Variants in TMEM207 observed in about 807,000 individuals in gnomAD.
TMEM207 encodes the protein SRSR846.
A neutral mutation model predicts 17.4 loss-of-function variants in TMEM207; 15 were observed. That is an observed-to-expected ratio of 0.86 (90% confidence interval 0.58 to 1.33). TMEM207 has a LOEUF of 1.33. Among genes scored for constraint, TMEM207 ranks in the 40% most tolerant of loss-of-function variants. The pLI, the probability that TMEM207 is intolerant of heterozygous loss-of-function variation, is 0.00. For missense variants in TMEM207, 205 were observed against 173.8 expected (o/e 1.18, Z -1.01); for synonymous variants, 70 against 65.6 (o/e 1.07, Z -0.33).
At chr3:190,437,138 A>C (rs1412962919) in intron 4 of TMEM207, among the ~76,000 whole-genome samples, 3 of 152,210 alleles carry the variant, frequency 2.0e-5, no homozygotes, top group Admixed American at 1.3e-4. Flanking sequence ...CCAGAAGTTA[A>C]ACCAGTGGAA....
chr3:190,440,141 C>T, intron 4 of TMEM207, 103 bp downstream of exon 4: 1 of 1,416,268 alleles, frequency 7.1e-7, no homozygotes, highest in Non-Finnish European at 9.5e-7. Flanking sequence ...TAAGCCACAT[C>T]TTTTTCTAAG....
At chr3:190,445,182 G>A (rs1401427111) in intron 2 of TMEM207, among the ~76,000 whole-genome samples, 9 of 151,968 alleles carry the variant, frequency 5.9e-5, no homozygotes, top group Non-Finnish European at 1.2e-4. Flanking sequence ...AGCAAGATGT[G>A]GTATATCATT....
At chr3:190,442,727 A>T (rs969172232) in intron 2 of TMEM207, among the ~76,000 whole-genome samples, 2 of 152,302 alleles carry the variant, frequency 1.3e-5, no homozygotes, top group African/African-American at 4.8e-5. Context: ...TCCTAAGACA[A>T]ATGGCCATGA....
At chr3:190,433,033 C>A (rs770580822) in intron 4 of TMEM207, among the ~76,000 whole-genome samples, 1 of 152,144 alleles carries the variant, frequency 6.6e-6, no homozygotes, top group Non-Finnish European at 1.5e-5. Flanking sequence ...CACTTCATGG[C>A]ATAAAGGCAA....
intron 3 of TMEM207, among the ~76,000 whole-genome samples, chr3:190,440,954 A>G (rs1442241668): frequency 1.3e-5 from 2 of 152,296 alleles, no homozygotes; most frequent in East Asian, 1.9e-4. Flanking sequence ...CTGTAATCCC[A>G]GCTACTCCGG....
intron 2 of TMEM207, among the ~76,000 whole-genome samples, chr3:190,442,996 T>C (rs1201232308): frequency 3.9e-5 from 6 of 152,332 alleles, no homozygotes; most frequent in South Asian, 2.1e-4. Flanking sequence ...CCCTTTCATA[T>C]TGTTTGAATT....
At chr3:190,446,361 G>A (rs184351678) in intron 2 of TMEM207, among the ~76,000 whole-genome samples, 9 of 152,210 alleles carry the variant, frequency 5.9e-5, no homozygotes, top group African/African-American at 1.9e-4. Flanking sequence ...GATTCATTCC[G>A]CTGACACTGT....
At chr3:190,431,600 AC>A (rs1193228105) in intron 4 of TMEM207, among the ~76,000 whole-genome samples, 2 of 152,026 alleles carry the variant, frequency 1.3e-5, no homozygotes, top group Non-Finnish European at 2.9e-5. Context: ...AAATACAGTT[AC>A]CCTAGGAATT....
chr3:190,430,394 G>A (rs891086653), intron 4 of TMEM207, among the ~76,000 whole-genome samples: 2 of 151,686 alleles, frequency 1.3e-5, no homozygotes, highest in African/African-American at 4.8e-5. Flanking sequence ...TTACTCTAAT[G>A]GCTCTTTTGG....
chr3:190,448,043 G>A (rs1036511302), intron 1 of TMEM207, among the ~76,000 whole-genome samples: 2 of 152,132 alleles, frequency 1.3e-5, no homozygotes, highest in African/African-American at 4.8e-5. Context: ...TATATATTGT[G>A]AACCAGATTC....
chr3:190,433,815 C>A (rs1260981764), intron 4 of TMEM207, among the ~76,000 whole-genome samples: 1 of 152,030 alleles, frequency 6.6e-6, no homozygotes, highest in Non-Finnish European at 1.5e-5. Flanking sequence ...TTGACTGGAT[C>A]ATGGGAATGG....
In TMEM207 at chr3:190,445,717, G is replaced by A. The variant is rs183114467; in HGVS notation, c.113+2073C>T. ...ATTTTTGTATTTTCAGTAGAGATGG[G>A]GTTTCACCATGTTGGCCAGGCTGGT... On this transcript the variant is annotated intron_variant, in intron 2 of 4. Transcript: ENST00000354905. Among the ~76,000 whole-genome samples, 704 of 152,128 alleles carry A rather than the reference G, an allele frequency of 4.6e-3. 5 individuals are homozygous for A. Among genetic ancestry groups the A allele is most frequent in the Non-Finnish European group, 8.0e-3 (544 of 67,992 alleles).
At chr3:190,440,867 G>T (rs925030149) in intron 3 of TMEM207, among the ~76,000 whole-genome samples, 2 of 152,168 alleles carry the variant, frequency 1.3e-5, no homozygotes, top group Admixed American at 6.5e-5. Flanking sequence ...AGGAGATCGA[G>T]AACATCCTGG....
At position 190,435,239 on chromosome 3, in the gene TMEM207, A is replaced by G. The variant is rs556664992; in HGVS notation, c.304+5005T>C. Among the ~76,000 whole-genome samples, 10 of 152,264 alleles carry G rather than the reference A, an allele frequency of 6.6e-5. No homozygotes were observed. In the South Asian group the frequency reaches 2.1e-3, roughly 32 times the overall value. ...TCCACGACCAAGGTTTCGGCAGGGT[A>G]GGTTTCTTCTGAGGCCTCTCTCCTT... On this transcript the variant is annotated intron_variant, in intron 4 of 4. Coordinates refer to ENST00000354905, the MANE Select transcript of TMEM207 (RefSeq NM_207316.3).
chr3:190,444,549 G>A (rs1295831032), intron 2 of TMEM207: 2 of 654,496 alleles, frequency 3.1e-6, no homozygotes, highest in South Asian at 6.9e-5. Context: ...GGATCAGACA[G>A]AGAATAGGCC....
intron 4 of TMEM207, among the ~76,000 whole-genome samples, chr3:190,440,020 A>G (rs1002379176): frequency 9.9e-5 from 15 of 152,130 alleles, no homozygotes; most frequent in Non-Finnish European, 2.1e-4. Flanking sequence ...TGCTTTCCTT[A>G]TACTTAACTG....
intron 1 of TMEM207, among the ~76,000 whole-genome samples, chr3:190,448,539 A>G (rs1720098698): frequency 6.6e-6 from 1 of 152,116 alleles, no homozygotes; most frequent in South Asian, 2.1e-4. Flanking sequence ...CTTTCTAAAG[A>G]TCTTATTATC....
chr3:190,441,243 T>G (rs1719930625), intron 3 of TMEM207, among the ~76,000 whole-genome samples, 195 bp downstream of exon 3: 1 of 152,206 alleles, frequency 6.6e-6, no homozygotes, highest in South Asian at 2.1e-4. Context: ...TTTTTTAAAA[T>G]AGTGAGTCCT....
chr3:190,441,008 G>T (rs1719923533), intron 3 of TMEM207, among the ~76,000 whole-genome samples: 1 of 152,122 alleles, frequency 6.6e-6, no homozygotes, highest in African/African-American at 2.4e-5. Context: ...GGCGGAGCTT[G>T]CATTGAGCCG....
Sources: allele counts gnomAD v4.1 joint callset (sites outside exome capture counted in the v4.1 genomes callset), GRCh38; gene constraint gnomAD v4.1.1; transcripts MANE v1.5; gene names NCBI Gene and HGNC (gene_info 2026-07-23, HGNC 2026-07-21).